The following STARD13 variants were observed in gnomAD, a reference collection of about 807,000 sequenced individuals.
STARD13 encodes the protein stAR-related lipid transfer protein 13.
Under a neutral mutation model 106.4 loss-of-function variants are expected in STARD13, and 62 were observed. The ratio of observed to expected loss-of-function variants is 0.58; its 90% confidence interval spans 0.48 to 0.72. The LOEUF (loss-of-function observed/expected upper bound fraction) is 0.72, where lower values mean the gene tolerates loss of function less well. Among genes scored for constraint, STARD13 ranks in the 30% least tolerant of loss-of-function variants. STARD13 has a pLI of 0.00. For synonymous variants in STARD13, 565 were observed against 553.0 expected, an observed-to-expected ratio of 1.02 and a Z score of -0.31; for missense variants, 1,387 against 1,424.0, an observed-to-expected ratio of 0.97 and a Z score of 0.42.
chr13:33,112,044 AG>A, intron 9 of STARD13, 152 bp from the exon 10 acceptor site: 1 of 591,132 alleles, frequency 1.7e-6, no homozygotes, highest in East Asian at 2.9e-5. Flanking sequence ...CACATATCTT[AG>A]ATATCTGAAT....
intron 1 of STARD13, among the ~76,000 whole-genome samples, chr13:33,335,994 A>C (rs942609): frequency 0.12 from 6,106 of 52,670 alleles, 260 homozygotes; most frequent in African/African-American, 0.35. Flanking sequence ...TTCATTCATT[A>C]ATTCATTCAC....
chr13:33,268,969 G>C (rs1313904208), intron 1 of STARD13, among the ~76,000 whole-genome samples: 2 of 152,216 alleles, frequency 1.3e-5, no homozygotes, highest in Non-Finnish European at 2.9e-5. Context: ...TAAGGAAGAA[G>C]TCAATGTAGA....
At chr13:33,527,322 C>T in the STARD13 span, among the ~76,000 whole-genome samples, 1,777 of 151,998 alleles carry the variant, frequency 0.012, 36 homozygotes, top group African/African-American at 0.041. Flanking sequence ...TTCCCCCACA[C>T]AAAAAATTTA....
chr13:33,648,837 G>C, the STARD13 span, among the ~76,000 whole-genome samples: 3 of 139,648 alleles, frequency 2.1e-5, no homozygotes, highest in African/African-American at 8.4e-5. Context: ...TGTTGCCCAG[G>C]CTGGAGTACA....
the STARD13 span, among the ~76,000 whole-genome samples, chr13:33,566,011 T>A: frequency 6.7e-6 from 1 of 148,572 alleles, no homozygotes; most frequent in African/African-American, 2.5e-5. Flanking sequence ...CTGTGGTCAG[T>A]CATTGTTCAA....
chr13:33,263,250 C>A (rs1415713765), intron 1 of STARD13, among the ~76,000 whole-genome samples: 3 of 152,080 alleles, frequency 2.0e-5, no homozygotes, highest in East Asian at 1.9e-4. Flanking sequence ...GCAGCACCCA[C>A]CCCCTAGTTG....
intron 1 of STARD13, among the ~76,000 whole-genome samples, chr13:33,252,683 T>C (rs1243268205): frequency 6.6e-6 from 1 of 152,246 alleles, no homozygotes; most frequent in African/African-American, 2.4e-5. Flanking sequence ...AATCACACAA[T>C]TGAAGACTGA....
Position 33,252,834 on chromosome 13 carries a change from C to T in STARD13, c.169+32636G>A, listed in dbSNP as rs192438705. ...AGTTTTACAGTGCCAGTAGGTGGTA[C>T]GACGAGGGTTGTAAAGGATGAAAAT... On this transcript the variant is annotated intron_variant, in intron 1 of 13. Transcript: ENST00000336934. Among the ~76,000 whole-genome samples, 260 of 152,154 alleles carry T rather than the reference C, an allele frequency of 1.7e-3. 1 individual carries two copies. Among genetic ancestry groups the T allele is most frequent in the Middle Eastern group, 0.017 (5 of 294 alleles).
chr13:33,404,249 C>A, the STARD13 span, among the ~76,000 whole-genome samples: 1 of 152,184 alleles, frequency 6.6e-6, no homozygotes, highest in African/African-American at 2.4e-5. Context: ...GTCAAAACAG[C>A]AACTGGATTT....
At chr13:33,440,933 T>G in the STARD13 span, among the ~76,000 whole-genome samples, 1 of 151,578 alleles carries the variant, frequency 6.6e-6, no homozygotes, top group Admixed American at 6.6e-5. Context: ...AACTGTTGAT[T>G]GCACATTTGC....
chr13:33,350,751 C>A, upstream of STARD13: 1 of 838,546 alleles, frequency 1.2e-6, no homozygotes, highest in South Asian at 4.7e-5. Context: ...CTGCCTCGCG[C>A]CCCACTCCTT....
chr13:33,282,433 G>GT (rs1394156923), intron 1 of STARD13, among the ~76,000 whole-genome samples: 1 of 152,018 alleles, frequency 6.6e-6, no homozygotes, highest in African/African-American at 2.4e-5. Context: ...TCTCCTCCTT[G>GT]TTTTTCCTCC....
intron 1 of STARD13, among the ~76,000 whole-genome samples, chr13:33,341,705 A>G (rs1427328648): frequency 1.3e-5 from 2 of 152,092 alleles, no homozygotes; most frequent in Admixed American, 6.5e-5. Context: ...CTTTTTTCCA[A>G]TTCAAGGAGG....
intron 3 of STARD13, among the ~76,000 whole-genome samples, chr13:33,165,111 AT>A (rs1269844670): frequency 2.0e-5 from 3 of 151,170 alleles, no homozygotes; most frequent in African/African-American, 7.3e-5. Flanking sequence ...TTTCTCTGTC[AT>A]TTTCCTAATC....
chr13:33,525,809 A>T, the STARD13 span, among the ~76,000 whole-genome samples: 1 of 152,136 alleles, frequency 6.6e-6, no homozygotes, highest in East Asian at 1.9e-4. Context: ...TTTTGGTGGG[A>T]GGGGGAATGT....
At chr13:33,451,392 C>G in the STARD13 span, among the ~76,000 whole-genome samples, 1 of 151,988 alleles carries the variant, frequency 6.6e-6, no homozygotes, top group Non-Finnish European at 1.5e-5. Context: ...AGGAAGAGAT[C>G]GGACACAAGT....
At chr13:33,370,411 G>A in the STARD13 span, among the ~76,000 whole-genome samples, 8 of 152,052 alleles carry the variant, frequency 5.3e-5, no homozygotes, top group East Asian at 5.8e-4. Flanking sequence ...TGGTTTTCAC[G>A]GTACAATTAG....
chr13:33,230,942 T>A (rs913691408), intron 1 of STARD13, among the ~76,000 whole-genome samples: 3 of 152,214 alleles, frequency 2.0e-5, no homozygotes, highest in African/African-American at 7.2e-5. Context: ...ACGGGCATAG[T>A]CAGAATGTTG....
chr13:33,127,606 C>T (rs142707541), intron 5 of STARD13, 60 bp from the exon 6 acceptor site: 79 of 1,471,598 alleles, frequency 5.4e-5, no homozygotes, highest in Non-Finnish European at 6.3e-5. Flanking sequence ...GCGGGAAACA[C>T]GGGACATCAC....
Sources: allele counts gnomAD v4.1 joint callset (sites outside exome capture counted in the v4.1 genomes callset), GRCh38; gene constraint gnomAD v4.1.1; transcripts MANE v1.5; gene names NCBI Gene and HGNC (gene_info 2026-07-23, HGNC 2026-07-21).